The following PPHLN1 variants were observed in gnomAD, a reference collection of about 807,000 sequenced individuals.
PPHLN1 encodes the protein periphilin 1, also known as periphilin-1.
Under a neutral mutation model 51.3 loss-of-function variants are expected in PPHLN1, and 29 were observed. The observed-to-expected ratio is 0.57, with a 90% CI of 0.42 to 0.77. PPHLN1 has a LOEUF of 0.77. Among genes scored for constraint, PPHLN1 ranks in the 30% least tolerant of loss-of-function variants. PPHLN1 has a pLI of 0.00. For missense variants in PPHLN1, 436 were observed against 438.4 expected (o/e 0.99, Z 0.05); for synonymous variants, 147 against 147.8 (o/e 0.99, Z 0.04).
chr12:42,360,717 A>G (rs749265898), intron 4 of PPHLN1, among the ~76,000 whole-genome samples: 2 of 149,022 alleles, frequency 1.3e-5, no homozygotes, highest in African/African-American at 2.5e-5. Flanking sequence ...CTGCTCTTGA[A>G]CTCCTAACCT....
chr12:42,427,712 GACCAAGA>G (rs1202464654), intron 9 of PPHLN1, among the ~76,000 whole-genome samples: 3 of 152,146 alleles, frequency 2.0e-5, no homozygotes, highest in Non-Finnish European at 2.9e-5. Flanking sequence ...AGGATTTCAT[GACCAAGA>G]ACCCAAAAGC....
chr12:42,378,128 CT>C (rs2076453321), intron 5 of PPHLN1, among the ~76,000 whole-genome samples: 1 of 150,092 alleles, frequency 6.7e-6, no homozygotes, highest in Non-Finnish European at 1.5e-5. Context: ...TTCTTTCTTT[CT>C]TTCTTTCTTT....
In PPHLN1 at chr12:42,398,620, G is replaced by A. The variant is rs1452995864; in HGVS notation, c.769-234G>A. On this transcript the variant is annotated intron_variant, in intron 8 of 9. Coordinates refer to ENST00000358314, the MANE Select transcript of PPHLN1 (RefSeq NM_201439.2). ...TTAGCGTGGCCCCTGCACAAGGATG[G>A]CACGCAAATTCATGAAGTGTTCCAT... The A allele has an allele frequency of 1.2e-5, 4 of 340,166 alleles. No homozygotes were observed. The Admixed American group carries it at 1.8e-4, about 15-fold the overall frequency. The allele number at this position is 340,166 out of a possible 1,614,324, so 21.1% of individuals were successfully genotyped here. A position where few individuals can be genotyped will look rare whatever the true frequency, so the allele number is the denominator to read the frequency against.
chr12:42,425,511 T>TA (rs2081378878), intron 9 of PPHLN1, among the ~76,000 whole-genome samples: 1 of 151,912 alleles, frequency 6.6e-6, no homozygotes, highest in Non-Finnish European at 1.5e-5. Flanking sequence ...CTCAGCCTCC[T>TA]GAGTAGCTGG....
chr12:42,419,144 T>C (rs1796375), intron 9 of PPHLN1, among the ~76,000 whole-genome samples: 75,508 of 152,126 alleles, frequency 0.5, 19,060 homozygotes, highest in Admixed American at 0.56. Context: ...ATCTTCATCC[T>C]TCTGCCACAT....
intron 4 of PPHLN1, among the ~76,000 whole-genome samples, chr12:42,372,442 C>T (rs549436070): frequency 6.6e-6 from 1 of 152,238 alleles, no homozygotes; most frequent in South Asian, 2.1e-4. Flanking sequence ...GGTAGGCAAT[C>T]TTTCCTCTCT....
rs948675414 is a variant in PPHLN1, at chr12:42,409,546, A to G, written c.909+10552A>G. On this transcript the variant is annotated intron_variant, in intron 9 of 9. Coordinates refer to ENST00000358314, the MANE Select transcript of PPHLN1 (RefSeq NM_201439.2). The stretch of plus-strand genomic sequence containing the variant: ...TTGTCTTTCATTTATTATTTTAATC[A>G]TACAATCCCCTTGTTAGAGTGGTAA... Among the ~76,000 whole-genome samples the G allele has an allele frequency of 2.0e-5, 3 of 152,148 alleles. No individual in the cohort carries two copies. The South Asian group carries it at 6.2e-4, about 31-fold the overall frequency.
intron 9 of PPHLN1, among the ~76,000 whole-genome samples, chr12:42,406,740 A>G (rs1437859856): frequency 6.6e-6 from 1 of 152,142 alleles, no homozygotes; most frequent in African/African-American, 2.4e-5. Context: ...TTGGGGGAAT[A>G]AAAGTTCTTA....
At chr12:42,421,535 A>G (rs2081009060) in intron 9 of PPHLN1, among the ~76,000 whole-genome samples, 1 of 152,078 alleles carries the variant, frequency 6.6e-6, no homozygotes, top group Admixed American at 6.6e-5. Context: ...TTTAGTAGCG[A>G]TGGGGTTTCA....
chr12:42,340,703 G>A (rs1017933991), intron 2 of PPHLN1, among the ~76,000 whole-genome samples: 10 of 152,196 alleles, frequency 6.6e-5, no homozygotes, highest in African/African-American at 9.7e-5. Context: ...ATTTTGCTGC[G>A]CTGGGAATAT....
chr12:42,437,753 T>G (rs2082609819), intron 9 of PPHLN1, among the ~76,000 whole-genome samples: 1 of 152,186 alleles, frequency 6.6e-6, no homozygotes. Flanking sequence ...TTTTGACAAA[T>G]GTATAATATA....
At position 42,375,054 on chromosome 12, in the gene PPHLN1, T is replaced by C. The variant is rs1030456243; in HGVS notation, c.491T>C (p.Phe164Ser). The change falls in exon 5 of 10, where the codon TTC becomes TCC. Residue 164 changes from phenylalanine (F) to serine (S), a missense_variant. Phe to Ser is a radical substitution (Grantham distance 155). Transcript: ENST00000358314. ...CCAGAAAGGAGCAAATCATACTCTT[T>C]CCATCAGTCTCAACATAGAAGTATG... ...YSPERSKSYS[F>S]HQSQHRKSVR... 1.2e-6 allele frequency: 2 copies of C among 1,609,890 alleles called. No homozygotes were observed. The highest frequency in any genetic ancestry group is 1.3e-5 in the African/African-American group (1 of 74,734).
At chr12:42,412,204 T>C (rs2079927446) in intron 9 of PPHLN1, among the ~76,000 whole-genome samples, 1 of 151,938 alleles carries the variant, frequency 6.6e-6, no homozygotes, top group African/African-American at 2.4e-5. Context: ...GACTCTTGTC[T>C]CAAAAAATAA....
At chr12:42,347,555 G>A (rs1422419095) in intron 2 of PPHLN1, among the ~76,000 whole-genome samples, 1 of 152,170 alleles carries the variant, frequency 6.6e-6, no homozygotes, top group East Asian at 1.9e-4. Flanking sequence ...GTAGGCAGGT[G>A]GATTACCTGA....
intron 9 of PPHLN1, chr12:42,433,204 A>G (rs1014566880): frequency 3.8e-5 from 29 of 760,878 alleles, no homozygotes; most frequent in Admixed American, 2.8e-4. Context: ...CACCATCCAC[A>G]TGGCTCTTGG....
chr12:42,423,678 A>G (rs1358090486), intron 9 of PPHLN1, among the ~76,000 whole-genome samples: 1 of 138,680 alleles, frequency 7.2e-6, no homozygotes, highest in Non-Finnish European at 1.7e-5. Context: ...TTAACATGCA[A>G]ATTTTTTTTT....
intron 4 of PPHLN1, among the ~76,000 whole-genome samples, chr12:42,357,305 A>T (rs1212428975): frequency 6.6e-6 from 1 of 152,176 alleles, no homozygotes; most frequent in African/African-American, 2.4e-5. Flanking sequence ...CTAATATGAA[A>T]GAGTAAAGGG....
At chr12:42,442,672 C>A, downstream of PPHLN1, 4 of 1,614,150 alleles carry the variant, frequency 2.5e-6, no homozygotes, top group Non-Finnish European at 3.4e-6. Context: ...AGCAGGTACC[C>A]CCTGTGAGGA....
chr12:42,430,152 A>G (rs1352848047), intron 9 of PPHLN1, among the ~76,000 whole-genome samples: 1 of 152,114 alleles, frequency 6.6e-6, no homozygotes, highest in Non-Finnish European at 1.5e-5. Context: ...AAAGGGGTGG[A>G]GAGGGACTGA....
Sources: gnomAD v4.1 joint callset for allele counts (sites outside exome capture counted in the v4.1 genomes callset) on GRCh38, gnomAD v4.1.1 for gene constraint, MANE v1.5 for transcripts, NCBI Gene and HGNC (gene_info 2026-07-23, HGNC 2026-07-21) for gene names.